RORA: variants seen among roughly 807,000 people sequenced by gnomAD.
The protein encoded by RORA is nuclear receptor ROR-alpha.
Under a neutral mutation model 69.5 loss-of-function variants are expected in RORA, and 7 were observed. The observed-to-expected ratio is 0.10, with a 90% confidence interval of 0.06 to 0.19. The LOEUF (loss-of-function observed/expected upper bound fraction) is 0.19, where lower values mean the gene tolerates loss of function less well. Among genes scored for constraint, RORA ranks in the 10% least tolerant of loss-of-function variants. The pLI is 1.00. For synonymous variants in RORA, 261 were observed against 240.8 expected (o/e 1.08, Z -0.78); for missense variants, 457 against 663.0 (o/e 0.69, Z 3.41).
At chr15:61,206,760 C>G (rs2079945659) in intron 1 of RORA, among the ~76,000 whole-genome samples, 2 of 152,184 alleles carry the variant, frequency 1.3e-5, no homozygotes, top group Non-Finnish European at 2.9e-5. Flanking sequence ...CAGCAGCCCT[C>G]TCTGCCCAGT....
At chr15:60,570,329 GGTGT>G (rs2067842470) in intron 2 of RORA, among the ~76,000 whole-genome samples, 2 of 152,080 alleles carry the variant, frequency 1.3e-5, no homozygotes, top group Admixed American at 1.3e-4. Flanking sequence ...GTTTTGTGTG[GGTGT>G]ATGTGTTTGT....
At chr15:60,761,101 G>A (rs927395802) in intron 1 of RORA, among the ~76,000 whole-genome samples, 2 of 152,114 alleles carry the variant, frequency 1.3e-5, no homozygotes, top group Non-Finnish European at 2.9e-5. Context: ...AAAGGGAGGA[G>A]AGGGAGGAGT....
intron 2 of RORA, chr15:60,592,646 CGGGAGG>C: frequency 8.9e-7 from 1 of 1,122,104 alleles, no homozygotes; most frequent in Non-Finnish European, 1.1e-6. Context: ...AGGCGGGAGG[CGGGAGG>C]CGGGAGGCAG....
At chr15:61,114,326 T>C (rs889560393) in intron 1 of RORA, among the ~76,000 whole-genome samples, 19 of 152,156 alleles carry the variant, frequency 1.2e-4, no homozygotes, top group Non-Finnish European at 2.6e-4. Context: ...ACTCATTTAA[T>C]GCTCAGGTAA....
At chr15:60,936,791 G>A (rs1892536530) in intron 1 of RORA, among the ~76,000 whole-genome samples, 1 of 152,224 alleles carries the variant, frequency 6.6e-6, no homozygotes, top group Admixed American at 6.5e-5. Flanking sequence ...GATGAAATGT[G>A]TAAGACAGAC....
At position 61,116,597 on chromosome 15, in the gene RORA, A is replaced by T. The variant is rs139858733; in HGVS notation, c.166+112456T>A. Among the ~76,000 whole-genome samples, 614 of 152,300 alleles carry T rather than the reference A, an allele frequency of 4.0e-3. 6 individuals are homozygous for T. The highest frequency in any genetic ancestry group is 0.014 in the African/African-American group (580 of 41,580). On this transcript the variant is annotated intron_variant, in intron 1 of 10. Coordinates refer to ENST00000335670, the MANE Select transcript of RORA (RefSeq NM_134261.3). ...TGCCATTGAAATGTGACACTTTCAA[A>T]TTGGAGAGGGCATGAAGCTCAAATG...
rs139557096 is a variant in RORA at position 60,931,125 on chromosome 15, G to A, written c.167-252439C>T. Among the ~76,000 whole-genome samples the A allele has an allele frequency of 5.3e-5, 8 of 152,312 alleles. No individual in the cohort carries two copies. In the East Asian group the frequency reaches 1.5e-3, roughly 29 times the overall value. On this transcript the variant is annotated intron_variant, in intron 1 of 10. Coordinates refer to ENST00000335670, the MANE Select transcript of RORA (RefSeq NM_134261.3). ...GTCTGGGGAAGAACTCCCTGTCTGT[G>A]AGAAAATTCCACCTGGGAAAGAGAA...
chr15:60,624,511 G>GTT (rs1448084799), intron 2 of RORA, among the ~76,000 whole-genome samples: 1 of 74,746 alleles, frequency 1.3e-5, no homozygotes, highest in African/African-American at 6.2e-5. Flanking sequence ...CTGTATGTGT[G>GTT]TGTATATATA....
intron 1 of RORA, among the ~76,000 whole-genome samples, chr15:60,949,010 C>A (rs941424038): frequency 2.0e-5 from 3 of 152,092 alleles, no homozygotes; most frequent in Non-Finnish European, 4.4e-5. Flanking sequence ...ATATTCTGAG[C>A]GGTGGACAAG....
intron 1 of RORA, among the ~76,000 whole-genome samples, chr15:60,842,958 C>T (rs781637376): frequency 1.3e-5 from 2 of 152,144 alleles, no homozygotes; most frequent in Admixed American, 6.5e-5. Flanking sequence ...TCATTTGAAA[C>T]GTGGGCTCTT....
At chr15:60,715,594 C>T (rs2071209556) in intron 1 of RORA, among the ~76,000 whole-genome samples, 1 of 152,148 alleles carries the variant, frequency 6.6e-6, no homozygotes, top group South Asian at 2.1e-4. Flanking sequence ...TTGTTCTGCA[C>T]ATTGAAAAAT....
chr15:60,895,215 C>T (rs1341380917), intron 1 of RORA, among the ~76,000 whole-genome samples: 4 of 152,082 alleles, frequency 2.6e-5, no homozygotes, highest in African/African-American at 9.7e-5. Flanking sequence ...GGCAAGAAAG[C>T]GAACGGAAGA....
intron 2 of RORA, among the ~76,000 whole-genome samples, chr15:60,566,920 C>T (rs2067728844): frequency 6.6e-6 from 1 of 152,022 alleles, no homozygotes; most frequent in Non-Finnish European, 1.5e-5. Context: ...CCTAAAGGGC[C>T]TTGAATACTC....
chr15:60,614,795 A>C (rs2069186372), intron 2 of RORA: 1 of 881,508 alleles, frequency 1.1e-6, no homozygotes, highest in African/African-American at 1.7e-5. Flanking sequence ...AGTAATCATA[A>C]GGTTTAAATG....
chr15:60,929,851 C>G (rs1178729704), intron 1 of RORA, among the ~76,000 whole-genome samples: 1 of 152,144 alleles, frequency 6.6e-6, no homozygotes, highest in African/African-American at 2.4e-5. Context: ...CCTGGGAAGT[C>G]TAGGGAGGAG....
In RORA at chr15:60,881,951, G is replaced by A. The variant is rs972055629; in HGVS notation, c.167-203265C>T. Among the ~76,000 whole-genome samples the A allele has an allele frequency of 1.1e-4, 16 of 152,144 alleles. No individual in the cohort carries two copies. In the East Asian group the frequency reaches 3.1e-3, roughly 29 times the overall value. On this transcript the variant is annotated intron_variant, in intron 1 of 10. Transcript: ENST00000335670. ...ACAATATAACTACTCCAAAAGAAAC[G>A]TGTTTTCCTACCCACTGACCATGAA...
At chr15:61,029,686 T>G (rs1896041067) in intron 1 of RORA, among the ~76,000 whole-genome samples, 1 of 151,854 alleles carries the variant, frequency 6.6e-6, no homozygotes, top group South Asian at 2.1e-4. Flanking sequence ...GATCTGAGGG[T>G]AAAGAAGGGG....
At chr15:60,859,651 CTTTCTT>C (rs2073417524) in intron 1 of RORA, among the ~76,000 whole-genome samples, 2 of 96,424 alleles carry the variant, frequency 2.1e-5, no homozygotes, top group Non-Finnish European at 2.0e-5. Context: ...TTCTTTCTTT[CTTTCTT>C]TTTTTTTTTT....
intron 1 of RORA, among the ~76,000 whole-genome samples, chr15:60,783,321 T>C (rs2072290033): frequency 6.6e-6 from 1 of 152,164 alleles, no homozygotes; most frequent in South Asian, 2.1e-4. Flanking sequence ...GTCCACCTCA[T>C]CTCTGCAAAG....
Sources: gnomAD v4.1 joint callset for allele counts (sites outside exome capture counted in the v4.1 genomes callset) on GRCh38, gnomAD v4.1.1 for gene constraint, MANE v1.5 for transcripts, NCBI Gene and HGNC (gene_info 2026-07-23, HGNC 2026-07-21) for gene names.